The following DPP6 variants were observed in gnomAD, a reference collection of about 807,000 sequenced individuals.
The protein encoded by DPP6 is A-type potassium channel modulatory protein DPP6.
DPP6 carries 69 observed loss-of-function variants against 122.6 expected under a neutral mutation model. The ratio of observed to expected loss-of-function variants is 0.56; its 90% CI spans 0.46 to 0.69. The LOEUF is 0.69. Among genes scored for constraint, DPP6 ranks in the 30% least tolerant of loss-of-function variants. DPP6 has a pLI of 0.00. For missense variants in DPP6, 928 were observed against 1,116.9 expected, an observed-to-expected ratio of 0.83 and a Z score of 2.41; for synonymous variants, 418 against 433.1, an observed-to-expected ratio of 0.97 and a Z score of 0.43.
chr7:154,381,650 C>T (rs1813620827), intron 1 of DPP6, among the ~76,000 whole-genome samples: 1 of 152,164 alleles, frequency 6.6e-6, no homozygotes, highest in East Asian at 1.9e-4. Flanking sequence ...CCGAAAAATG[C>T]TGGTTTCAGC....
chr7:154,520,435 C>A (rs1004704922), intron 3 of DPP6, among the ~76,000 whole-genome samples: 5 of 152,262 alleles, frequency 3.3e-5, no homozygotes, highest in Non-Finnish European at 5.9e-5. Flanking sequence ...AGAGGTTGCA[C>A]TGCATACTTC....
At chr7:154,306,220 C>T (rs1428912273) in intron 1 of DPP6, among the ~76,000 whole-genome samples, 1 of 152,164 alleles carries the variant, frequency 6.6e-6, no homozygotes, top group Non-Finnish European at 1.5e-5. Context: ...TGGCACAGGG[C>T]GGCCGCTCGC....
chr7:153,777,538 T>C, the DPP6 span, among the ~76,000 whole-genome samples: 1 of 114,204 alleles, frequency 8.8e-6, no homozygotes, highest in African/African-American at 3.7e-5. Flanking sequence ...ATCCGTACAA[T>C]TGAGTACTAC....
chr7:154,279,807 C>T (rs1025911743), intron 1 of DPP6, among the ~76,000 whole-genome samples: 1 of 152,206 alleles, frequency 6.6e-6, no homozygotes, highest in Non-Finnish European at 1.5e-5. Flanking sequence ...ATTTTTTCCT[C>T]TCTGGATTTA....
chr7:154,402,440 C>G (rs974647742), intron 1 of DPP6, among the ~76,000 whole-genome samples: 1 of 150,514 alleles, frequency 6.6e-6, no homozygotes, highest in African/African-American at 2.5e-5. Context: ...GAGTTCATGT[C>G]CTTTGTAGGG....
chr7:154,383,139 A>G (rs997372480), intron 1 of DPP6, among the ~76,000 whole-genome samples: 3 of 152,248 alleles, frequency 2.0e-5, no homozygotes, highest in African/African-American at 7.2e-5. Context: ...CATAATTCAC[A>G]GACTACAGCT....
intron 6 of DPP6, among the ~76,000 whole-genome samples, chr7:154,650,726 A>G (rs970830751): frequency 6.6e-6 from 1 of 152,144 alleles, no homozygotes; most frequent in Non-Finnish European, 1.5e-5. Flanking sequence ...CACTGTGGCC[A>G]CAGCACTCGG....
At chr7:154,399,394 A>T (rs1168652320) in intron 1 of DPP6, among the ~76,000 whole-genome samples, 1 of 152,218 alleles carries the variant, frequency 6.6e-6, no homozygotes, top group African/African-American at 2.4e-5. Context: ...TATATTGGAT[A>T]ACTCATGCAA....
At chr7:153,810,466 G>T in the DPP6 span, among the ~76,000 whole-genome samples, 2 of 152,104 alleles carry the variant, frequency 1.3e-5, no homozygotes, top group Non-Finnish European at 2.9e-5. Flanking sequence ...GATGACATTG[G>T]TGTAAGAGGC....
At chr7:153,913,369 G>A (rs1352404326) in intron 1 of DPP6, among the ~76,000 whole-genome samples, 2 of 152,026 alleles carry the variant, frequency 1.3e-5, no homozygotes, top group Non-Finnish European at 2.9e-5. Context: ...CACTGCACCC[G>A]GCCAACATAT....
At chr7:154,153,323 T>G in intron 1 of DPP6, among the ~76,000 whole-genome samples, 1 of 152,138 alleles carries the variant, frequency 6.6e-6, no homozygotes, top group East Asian at 1.9e-4. Context: ...GTAGCAGGGA[T>G]TACAGGCATG....
At chr7:154,252,235 T>TGTGTGTGCAC (rs60245069) in intron 1 of DPP6, among the ~76,000 whole-genome samples, 7 of 149,346 alleles carry the variant, frequency 4.7e-5, no homozygotes, top group South Asian at 2.1e-4. Flanking sequence ...TGTGTGTGTG[T>TGTGTGTGCAC]GCGCGCATGC....
At chr7:154,020,017 A>G (rs1288973944) in intron 1 of DPP6, among the ~76,000 whole-genome samples, 1 of 152,094 alleles carries the variant, frequency 6.6e-6, no homozygotes, top group Non-Finnish European at 1.5e-5. Context: ...AGAACTGTCC[A>G]TCTAGGTGTC....
chr7:154,170,456 C>T (rs374292096), intron 1 of DPP6, among the ~76,000 whole-genome samples: 4 of 152,342 alleles, frequency 2.6e-5, no homozygotes, highest in Non-Finnish European at 1.5e-5. Flanking sequence ...CTGTTTTGTT[C>T]TCCGTCCTGA....
chr7:154,030,615 G>A (rs1035207495), intron 1 of DPP6, among the ~76,000 whole-genome samples: 22 of 152,148 alleles, frequency 1.4e-4, no homozygotes, highest in African/African-American at 7.2e-5. Flanking sequence ...TGCCTTCCAC[G>A]TGACAGACCT....
intron 1 of DPP6, among the ~76,000 whole-genome samples, chr7:154,189,916 G>A (rs1483555065): frequency 6.6e-6 from 1 of 152,108 alleles, no homozygotes; most frequent in Non-Finnish European, 1.5e-5. Context: ...TCATTTTGAT[G>A]GCCAGTAACA....
the DPP6 span, among the ~76,000 whole-genome samples, chr7:153,843,864 A>G: frequency 2.8e-4 from 42 of 152,304 alleles, no homozygotes; most frequent in East Asian, 7.7e-3. Flanking sequence ...ACGTGAAGCT[A>G]GACAACCGGT....
intron 1 of DPP6, among the ~76,000 whole-genome samples, chr7:154,353,619 CA>C (rs1217142905): frequency 1.3e-5 from 2 of 152,052 alleles, no homozygotes; most frequent in African/African-American, 2.4e-5. Context: ...ATGTAAAAGA[CA>C]AAAACATACT....
At chr7:154,598,070 A>G (rs1295908513) in intron 5 of DPP6, among the ~76,000 whole-genome samples, 1 of 152,186 alleles carries the variant, frequency 6.6e-6, no homozygotes, top group Non-Finnish European at 1.5e-5. Context: ...TTTCTAGGAG[A>G]CACAATTCAA....
Sources: allele counts gnomAD v4.1 joint callset (sites outside exome capture counted in the v4.1 genomes callset), GRCh38; gene constraint gnomAD v4.1.1; transcripts MANE v1.5; gene names NCBI Gene and HGNC (gene_info 2026-07-23, HGNC 2026-07-21).